TAF6: variants seen among roughly 807,000 people sequenced by gnomAD.
TAF6 encodes TATA-box binding protein associated factor 6.
In TAF6, 50 loss-of-function variants were observed where a neutral mutation model predicts 73.5. The ratio of observed to expected loss-of-function variants is 0.68; its 90% CI spans 0.54 to 0.86. TAF6 has a LOEUF of 0.86. TAF6 is among the 40% of genes least tolerant of loss of function. TAF6 has a pLI of 0.00. For missense variants in TAF6, 768 were observed against 899.5 expected (o/e 0.85, Z 1.87); for synonymous variants, 424 against 376.7 (o/e 1.13, Z -1.45).
chr7:100,110,888 A>C (rs1386815814), intron 10 of TAF6, among the ~76,000 whole-genome samples: 1 of 151,826 alleles, frequency 6.6e-6, no homozygotes, highest in Non-Finnish European at 1.5e-5. Flanking sequence ...AGTCTGAGGG[A>C]GAAGAATCGC....
chr7:100,108,722 T>G (rs1324512065), intron 12 of TAF6, 182 bp from the exon 13 acceptor site: 1 of 571,630 alleles, frequency 1.7e-6, no homozygotes, highest in Non-Finnish European at 2.9e-6. Flanking sequence ...TACAGAACAC[T>G]GTGGGCTTTC....
chr7:100,122,427 G>T, upstream of TAF6: 1 of 1,614,068 alleles, frequency 6.2e-7, no homozygotes, highest in South Asian at 1.1e-5. Context: ...CCCCAACGGA[G>T]CCCTGGGAGT....
At chr7:100,114,590 C>T in intron 1 of TAF6, 1 of 555,708 alleles carries the variant, frequency 1.8e-6, no homozygotes, top group Non-Finnish European at 3.2e-6. Flanking sequence ...CGTGGTAGTG[C>T]ACACCTGTAA....
At position 100,107,591 on chromosome 7, in the gene TAF6, T is replaced by C. The variant is rs768942294; in HGVS notation, c.1689A>G (p.Ser563=). Residue 563 remains serine (S), a synonymous_variant, in exon 15 of 15, where the codon TCA becomes TCG. Coordinates refer to ENST00000453269, the MANE Select transcript of TAF6 (RefSeq NM_139315.3). The part of the protein sequence containing the change: ...VLSLSTSAPG[S]GSTTTSPVTT... ...TGACGGGCGAAGTGGTGGTGGAACC[T>C]GAGCCGGGGGCCGAGGTGCTGAGGG... 3.0e-5 allele frequency: 49 copies of C among 1,613,444 alleles called. No homozygotes were observed. The Middle Eastern group carries it at 6.7e-4, about 22-fold the overall frequency.
upstream of TAF6, among the ~76,000 whole-genome samples, chr7:100,123,510 A>G (rs762829617): frequency 2.0e-5 from 3 of 152,066 alleles, no homozygotes; most frequent in Non-Finnish European, 4.4e-5. Context: ...TCTACAAATA[A>G]TAATAATTTT....
intron 7 of TAF6, 35 bp downstream of exon 7, chr7:100,112,073 G>A (rs779876829): frequency 2.1e-5 from 34 of 1,613,528 alleles, no homozygotes; most frequent in Admixed American, 3.3e-5. Context: ...AGGAGGAGGC[G>A]TCTCAGGGCC....
At chr7:100,121,112 A>ATTTTTTTTTT (rs1798040006), upstream of TAF6, 2 of 30,712 alleles carry the variant, frequency 6.5e-5, no homozygotes, top group Non-Finnish European at 1.2e-4. Context: ...ATATATATAT[A>ATTTTTTTTTT]TATATTTTTT....
chr7:100,122,226 TACCTCCCCCCGGACGTTTC>T, upstream of TAF6: 1 of 1,612,486 alleles, frequency 6.2e-7, no homozygotes, highest in Non-Finnish European at 8.5e-7. Context: ...GTTTGTCTTT[TACCTCCCCCCGGACGTTTC>T]TCCTCCCCAC....
At chr7:100,124,100 GCAGTC>G (rs1798153056), upstream of TAF6, among the ~76,000 whole-genome samples, 1 of 151,252 alleles carries the variant, frequency 6.6e-6, no homozygotes, top group African/African-American at 2.4e-5. Context: ...TCCCACCACT[GCAGTC>G]CAGCCTGGGT....
chr7:100,113,969 A>G lies in TAF6; in HGVS notation c.157-15T>C. On this transcript the variant is annotated splice_polypyrimidine_tract_variant and intron_variant, in intron 2 of 14. Transcript: ENST00000453269. ...TTCAAGGCATCCTGGGGTCGGTGACAGAACAGACATCAGCCCAAAATCCTA... is the reference window on the plus strand; with the variant it reads ...TTCAAGGCATCCTGGGGTCGGTGACGGAACAGACATCAGCCCAAAATCCTA... 1 of 1,614,160 alleles carries G rather than the reference A, an allele frequency of 6.2e-7. No homozygotes were observed. Among genetic ancestry groups the G allele is most frequent in the African/African-American group, 1.3e-5 (1 of 75,034 alleles).
upstream of TAF6, chr7:100,123,044 A>C: frequency 1.0e-6 from 1 of 988,874 alleles, no homozygotes; most frequent in Non-Finnish European, 1.4e-6. Flanking sequence ...CCATTGATTA[A>C]AGTGGGTCCA....
rs11771005 is a variant in TAF6 at position 100,108,097 on chromosome 7, C to T, written c.1485G>A (p.Gln495=). The change falls in exon 14 of 15, where the codon CAG becomes CAA. Residue 495 remains glutamine, a synonymous_variant. Transcript: ENST00000453269. ...GGGTGCGAGGGCCAGGCTGTGGGGC[C>T]TGCGAGAGGGTCAGCGTGGGCCGGG... ...TQPRPTLTLS[Q]APQPGPRTPG... 3.1e-6 allele frequency: 5 copies of T among 1,608,132 alleles called. No homozygotes were observed. The highest frequency in any genetic ancestry group is 2.7e-5 in the African/African-American group (2 of 74,974).
upstream of TAF6, chr7:100,124,617 C>T (rs1259774741): frequency 6.2e-6 from 10 of 1,613,176 alleles, no homozygotes; most frequent in Non-Finnish European, 8.5e-6. Context: ...CATGTGCTCC[C>T]AGCTGCTGAA....
At chr7:100,109,338 GAAAAGAA>G (rs1021741311) in intron 12 of TAF6, among the ~76,000 whole-genome samples, 11 of 149,998 alleles carry the variant, frequency 7.3e-5, no homozygotes, top group Admixed American at 6.7e-5. Flanking sequence ...AAAAAAAAAA[GAAAAGAA>G]AAAGAAAACA....
rs375377889 is a variant in TAF6 at position 100,112,774 on chromosome 7, G to C, written c.574+24C>G. On this transcript the variant is annotated intron_variant, in intron 6 of 14. Coordinates refer to ENST00000453269, the MANE Select transcript of TAF6 (RefSeq NM_139315.3). Reference sequence around the variant, plus strand: ...ATGTGGCTTTGGGCAAGAGTCCAGAGAGGCCTAGCCTAGGAGGACTGACCT... The same window carrying C: ...ATGTGGCTTTGGGCAAGAGTCCAGACAGGCCTAGCCTAGGAGGACTGACCT... 3 of 1,582,138 alleles carry C rather than the reference G, an allele frequency of 1.9e-6. No homozygotes were observed. The African/African-American group carries it at 4.1e-5, about 22-fold the overall frequency.
At position 100,113,365 on chromosome 7, in the gene TAF6, G is replaced by A. The variant is rs141064340; in HGVS notation, c.438C>T (p.Pro146=). 5.3e-4 allele frequency: 840 copies of A among 1,595,532 alleles called. 4 individuals are homozygous for A. The African/African-American group carries it at 8.7e-3, about 17-fold the overall frequency. Reference sequence around the variant, plus strand: ...GGAGGTTACCTGGGGGCGGGTTCTCGGGGATAGCTGGCTGGCAGCCCTCGA... The same window carrying A: ...GGAGGTTACCTGGGGGCGGGTTCTCAGGGATAGCTGGCTGGCAGCCCTCGA... The part of the protein sequence containing the change: ...LSIEGCQPAI[P]ENPPPAPKEQ... The change falls in exon 5 of 15, where the codon CCC becomes CCT. Residue 146 remains proline (P), a synonymous_variant. Transcript: ENST00000453269.
chr7:100,113,892 G>A lies in TAF6; in HGVS notation c.219C>T (p.Tyr73=), dbSNP rs371630430. ...RQKLTTSDID[Y]ALKLKNVEPL... Reference sequence around the variant, plus strand: ...CCTCGACATTCTTTAGCTTCAAGGCGTAGTCAATGTCACTGGTGGTGAGCT... The same window carrying A: ...CCTCGACATTCTTTAGCTTCAAGGCATAGTCAATGTCACTGGTGGTGAGCT... Residue 73 remains tyrosine (Y), a synonymous_variant, in exon 3 of 15, where the codon TAC becomes TAT. Transcript: ENST00000453269. 48 of 1,613,518 alleles carry A rather than the reference G, an allele frequency of 3.0e-5. No homozygotes were observed. The highest frequency in any genetic ancestry group is 1.6e-4 in the South Asian group (15 of 91,070).
At position 100,109,988 on chromosome 7, in the gene TAF6, A is replaced by G. The variant is rs1270275197; in HGVS notation, c.1244T>C (p.Ile415Thr). ...CACATGGTCTGCTCCAATCCGGTCA[A>G]TGTTGCTCAGCACAGGGCCGTCCAG... is the stretch of plus-strand genomic sequence containing the variant. ...SVLDGPVLSN[I>T]DRIGADHVQS... Residue 415 changes from isoleucine (I) to threonine (T), a missense_variant, in exon 12 of 15, where the codon ATT (isoleucine) becomes ACT (threonine). This residue lies in a region of TAF6 where 350 missense variants were observed against 352.3 expected (regional missense o/e 0.99). Coordinates refer to ENST00000453269, the MANE Select transcript of TAF6 (RefSeq NM_139315.3). 7 of 1,614,068 alleles carry G rather than the reference A, an allele frequency of 4.3e-6. No homozygotes were observed. The highest frequency in any genetic ancestry group is 5.1e-6 in the Non-Finnish European group (6 of 1,180,038).
chr7:100,124,608 A>T, upstream of TAF6: 1 of 1,613,496 alleles, frequency 6.2e-7, no homozygotes, highest in South Asian at 1.1e-5. Context: ...TGTGAAGGTC[A>T]TGTGCTCCCA....
Sources: allele counts gnomAD v4.1 joint callset (sites outside exome capture counted in the v4.1 genomes callset), GRCh38; gene constraint gnomAD v4.1.1; regional missense constraint gnomAD v4.1.1; transcripts MANE v1.5; gene names NCBI Gene and HGNC (gene_info 2026-07-23, HGNC 2026-07-21).